Variants in MCM9 observed in about 807,000 individuals in gnomAD.
The protein encoded by MCM9 is minichromosome maintenance 9 homologous recombination repair factor.
Under a neutral mutation model 72.8 loss-of-function variants are expected in MCM9, and 55 were observed. The observed-to-expected ratio is 0.76, with a 90% confidence interval of 0.61 to 0.95. The LOEUF is 0.95. Ranked by LOEUF, MCM9 falls within the 40% of genes least tolerant of loss-of-function variation. MCM9 has a pLI of 0.00. For synonymous variants in MCM9, 480 were observed against 503.4 expected (o/e 0.95, Z 0.62); for missense variants, 1,279 against 1,377.0 (o/e 0.93, Z 1.13).
intron 3 of MCM9, 107 bp from the exon 4 acceptor site, chr6:118,924,234 A>G (rs1231603889): frequency 6.1e-6 from 6 of 989,940 alleles, no homozygotes; most frequent in East Asian, 4.8e-5. Context: ...TTTCAGGGGG[A>G]AAAAAAAGAT....
chr6:118,842,038 T>G (rs1430142240), intron 9 of MCM9, among the ~76,000 whole-genome samples: 3 of 152,188 alleles, frequency 2.0e-5, no homozygotes, highest in Non-Finnish European at 4.4e-5. Context: ...TTTCGCCATA[T>G]TGGCTAGGCT....
chr6:118,915,969 G>A (rs1186998185), intron 6 of MCM9, among the ~76,000 whole-genome samples: 1 of 152,128 alleles, frequency 6.6e-6, no homozygotes, highest in Non-Finnish European at 1.5e-5. Context: ...TCATTGTTAA[G>A]AGGTAGAACT....
chr6:118,819,424 G>A (rs1773640225), intron 13 of MCM9, among the ~76,000 whole-genome samples: 1 of 152,126 alleles, frequency 6.6e-6, no homozygotes, highest in Non-Finnish European at 1.5e-5. Flanking sequence ...GATTACGTTT[G>A]TTGATTTGTG....
intron 8 of MCM9, among the ~76,000 whole-genome samples, chr6:118,902,633 A>C (rs1449174859): frequency 6.7e-6 from 1 of 150,296 alleles, no homozygotes; most frequent in Non-Finnish European, 1.5e-5. Flanking sequence ...GCATACTCCT[A>C]AGCTTTTGGC....
chr6:118,894,911 A>AGGCT (rs1343290828), intron 8 of MCM9, among the ~76,000 whole-genome samples: 1 of 151,912 alleles, frequency 6.6e-6, no homozygotes, highest in Non-Finnish European at 1.5e-5. Flanking sequence ...GGGAAGGGAG[A>AGGCT]GGCTGTGCGT....
intron 9 of MCM9, among the ~76,000 whole-genome samples, chr6:118,840,885 G>A (rs766289356): frequency 2.0e-5 from 3 of 151,880 alleles, no homozygotes; most frequent in Non-Finnish European, 4.4e-5. Context: ...CTACAGGCAT[G>A]AGCTACCATG....
chr6:118,838,288 G>A (rs899546237), intron 9 of MCM9, among the ~76,000 whole-genome samples: 2 of 151,170 alleles, frequency 1.3e-5, no homozygotes, highest in African/African-American at 4.9e-5. Context: ...TCAGCCTCCT[G>A]AGTAGATGGG....
At chr6:118,852,047 G>C (rs2114666337) in intron 9 of MCM9, among the ~76,000 whole-genome samples, 1 of 152,272 alleles carries the variant, frequency 6.6e-6, no homozygotes, top group African/African-American at 2.4e-5. Context: ...GGAGAGTACA[G>C]CCTACTATAC....
intron 4 of MCM9, among the ~76,000 whole-genome samples, chr6:118,922,546 T>C (rs981377666): frequency 1.4e-4 from 22 of 152,108 alleles, no homozygotes; most frequent in Non-Finnish European, 2.6e-4. Flanking sequence ...ACATTGAACA[T>C]AGGTATGGTC....
intron 8 of MCM9, among the ~76,000 whole-genome samples, chr6:118,879,908 G>T (rs1012440053): frequency 3.3e-5 from 5 of 151,956 alleles, no homozygotes; most frequent in Admixed American, 1.3e-4. Context: ...ACCAGGCGTG[G>T]TGGTGGGTCC....
intron 8 of MCM9, among the ~76,000 whole-genome samples, chr6:118,883,055 T>C (rs1329594518): frequency 7.5e-6 from 1 of 132,460 alleles, no homozygotes; most frequent in Non-Finnish European, 1.5e-5. Flanking sequence ...CCATTTTACA[T>C]GTGCTCAAAG....
Position 118,934,950 on chromosome 6 carries a change from T to A in MCM9, c.-209A>T, listed in dbSNP as rs1782789157. On this transcript the variant is annotated 5_prime_UTR_variant, in exon 1 of 14. Transcript: ENST00000619706. The stretch of plus-strand genomic sequence containing the variant: ...CCCGAGGCCGAAGGGCCCAGAGAGC[T>A]CCAGCCAGGCAGCGGGTTCGTCTCC... 3 of 152,160 alleles carry A rather than the reference T, an allele frequency of 2.0e-5. No homozygotes were observed. The highest frequency in any genetic ancestry group is 2.9e-5 in the Non-Finnish European group (2 of 68,046). 9.4% of individuals were successfully genotyped at this position (152,160 alleles called of 1,614,324 possible).
intron 9 of MCM9, among the ~76,000 whole-genome samples, chr6:118,843,789 C>T (rs942564134): frequency 2.1e-4 from 31 of 146,080 alleles, no homozygotes; most frequent in African/African-American, 7.9e-4. Flanking sequence ...TCTGATCCGG[C>T]GGTTTGCATT....
At chr6:118,885,520 G>T (rs1778544272) in intron 8 of MCM9, among the ~76,000 whole-genome samples, 1 of 152,266 alleles carries the variant, frequency 6.6e-6, no homozygotes, top group South Asian at 2.1e-4. Flanking sequence ...CAAAAGGATT[G>T]TAAGGGAACA....
At chr6:118,836,683 G>T (rs1217973699) in intron 9 of MCM9, among the ~76,000 whole-genome samples, 3 of 152,308 alleles carry the variant, frequency 2.0e-5, no homozygotes, top group African/African-American at 7.2e-5. Context: ...TGTGGGATCA[G>T]TGGTGATATC....
At chr6:118,915,012 T>C (rs1780828886) in intron 6 of MCM9, among the ~76,000 whole-genome samples, 1 of 152,206 alleles carries the variant, frequency 6.6e-6, no homozygotes, top group Admixed American at 6.5e-5. Context: ...AACTGGCATA[T>C]AGTGGGAACT....
intron 8 of MCM9, among the ~76,000 whole-genome samples, chr6:118,878,787 T>C (rs547594607): frequency 4.5e-4 from 69 of 152,278 alleles, no homozygotes; most frequent in African/African-American, 1.6e-3. Context: ...CTGGGCACAG[T>C]GGCTTACACC....
chr6:118,845,396 T>C (rs1474139925), intron 9 of MCM9, among the ~76,000 whole-genome samples: 2 of 151,812 alleles, frequency 1.3e-5, no homozygotes, highest in African/African-American at 2.4e-5. Flanking sequence ...AGCTAGCAAG[T>C]TGTGAAGCTG....
In MCM9 at chr6:118,932,558, T is replaced by C. The variant is rs546583773; in HGVS notation, c.-16+49A>G. ...TTTCGTGTGCTCTCTCTCTCTTTAG[T>C]TATACACACACACTCATGTGTATTC... On this transcript the variant is annotated intron_variant, in intron 2 of 13. Transcript: ENST00000619706. The C allele has an allele frequency of 7.3e-5, 70 of 953,924 alleles. No homozygotes were observed. In the African/African-American group the frequency reaches 1.2e-3, roughly 16 times the overall value. 59.1% of individuals were successfully genotyped at this position (953,924 alleles called of 1,614,324 possible).
Sources: allele counts gnomAD v4.1 joint callset (sites outside exome capture counted in the v4.1 genomes callset), GRCh38; gene constraint gnomAD v4.1.1; transcripts MANE v1.5; gene names NCBI Gene and HGNC (gene_info 2026-07-23, HGNC 2026-07-21).